FGD4: variants seen among roughly 807,000 people sequenced by gnomAD.
The protein encoded by FGD4 is FYVE, RhoGEF and PH domain-containing protein 4.
In FGD4, 42 loss-of-function variants were observed where a neutral mutation model predicts 102.0. The ratio of observed to expected loss-of-function variants is 0.41; its 90% CI spans 0.32 to 0.53. The LOEUF is 0.53. Among genes scored for constraint, FGD4 ranks in the 20% least tolerant of loss-of-function variants. The probability of loss-of-function intolerance (pLI) is 0.21; values close to 1 mark genes in which losing one functional copy is unlikely to be tolerated. For synonymous variants in FGD4, 380 were observed against 375.7 expected (o/e 1.01, Z -0.13); for missense variants, 902 against 1,078.2 (o/e 0.84, Z 2.29).
chr12:32,542,625 C>G (rs1323958127), intron 1 of FGD4, among the ~76,000 whole-genome samples: 1 of 152,146 alleles, frequency 6.6e-6, no homozygotes, highest in African/African-American at 2.4e-5. Context: ...ATTTATAAAC[C>G]AGACATTGTG....
At chr12:32,578,631 A>G (rs1490278389) in intron 3 of FGD4, among the ~76,000 whole-genome samples, 1 of 152,048 alleles carries the variant, frequency 6.6e-6, no homozygotes, top group Non-Finnish European at 1.5e-5. Flanking sequence ...GGAGTTCGAG[A>G]TCAGCCTGGG....
chr12:32,468,507 T>A (rs1943329915), intron 1 of FGD4, among the ~76,000 whole-genome samples: 1 of 152,058 alleles, frequency 6.6e-6, no homozygotes, highest in Non-Finnish European at 1.5e-5. Flanking sequence ...AAAAGTATGG[T>A]GTGTTCTAAG....
intron 6 of FGD4, among the ~76,000 whole-genome samples, chr12:32,601,734 G>A (rs772281853): frequency 1.3e-5 from 2 of 152,164 alleles, no homozygotes; most frequent in East Asian, 1.9e-4. Flanking sequence ...CTCACAGTAC[G>A]GTGAATGAGA....
rs1254305217 is a variant in FGD4 at position 32,506,891 on chromosome 12, GT to G, written c.167-57244del. The stretch of plus-strand genomic sequence containing the variant: ...GGTATGTGATGACAAAATGGGCTAT[GT>G]TAAAGAGGGAGTTGAGGGTGGCAAA... On this transcript the variant is annotated intron_variant, in intron 1 of 16. Transcript: ENST00000534526. The surrounding 1 kb of genome is among the most constrained non-coding windows in gnomAD (Gnocchi z 4.5). 6.6e-6 allele frequency among the ~76,000 whole-genome samples: 1 copy of G among 152,122 alleles called. No individual in the cohort carries two copies. The highest frequency in any genetic ancestry group is 2.4e-5 in the African/African-American group (1 of 41,408).
chr12:32,433,857 T>G (rs2136441104), intron 1 of FGD4, among the ~76,000 whole-genome samples: 1 of 151,738 alleles, frequency 6.6e-6, no homozygotes, highest in South Asian at 2.1e-4. Context: ...ATTTATTTAT[T>G]TATTATTATT....
intron 1 of FGD4, among the ~76,000 whole-genome samples, chr12:32,464,826 G>A (rs1159610085): frequency 6.6e-6 from 1 of 152,202 alleles, no homozygotes; most frequent in Non-Finnish European, 1.5e-5. Context: ...ACTATGTTAT[G>A]CTGGTCCCTT....
chr12:32,445,269 C>T (rs1411490527), intron 1 of FGD4, among the ~76,000 whole-genome samples: 1 of 152,168 alleles, frequency 6.6e-6, no homozygotes, highest in Non-Finnish European at 1.5e-5. Flanking sequence ...GAAAGGAATA[C>T]AATATTCATA....
intron 1 of FGD4, among the ~76,000 whole-genome samples, chr12:32,480,505 T>C (rs1943714575): frequency 6.6e-6 from 1 of 151,588 alleles, no homozygotes; most frequent in Admixed American, 6.6e-5. Context: ...CTTTCTTTGT[T>C]TTTTTCGTTT....
chr12:32,527,891 G>A (rs1436511226), intron 1 of FGD4, among the ~76,000 whole-genome samples: 2 of 152,142 alleles, frequency 1.3e-5, no homozygotes, highest in Non-Finnish European at 2.9e-5. Context: ...TTATTCTCTA[G>A]TATTATATAT....
At position 32,515,037 on chromosome 12, in the gene FGD4, C is replaced by T. The variant is rs561636227; in HGVS notation, c.167-49100C>T. Among the ~76,000 whole-genome samples, 39 of 152,226 alleles carry T rather than the reference C, an allele frequency of 2.6e-4. No homozygotes were observed. The South Asian group carries it at 8.1e-3, about 32-fold the overall frequency. ...CAGCCCCAGGAACTATTTTACTCAC[C>T]TTATATCCCCAGCTTTTGGCTCAGC... is the stretch of plus-strand genomic sequence containing the variant. On this transcript the variant is annotated intron_variant, in intron 1 of 16. Transcript: ENST00000534526.
chr12:32,475,143 A>G (rs983725710), intron 1 of FGD4, among the ~76,000 whole-genome samples: 1 of 152,128 alleles, frequency 6.6e-6, no homozygotes, highest in African/African-American at 2.4e-5. Context: ...TTTGGCCCTC[A>G]TCTCCATCCC....
chr12:32,472,785 T>C (rs1437531285), intron 1 of FGD4, among the ~76,000 whole-genome samples: 2 of 152,240 alleles, frequency 1.3e-5, no homozygotes, highest in Non-Finnish European at 2.9e-5. Flanking sequence ...AGAGTCTTTA[T>C]ATCTAGCTCA....
chr12:32,524,374 C>T (rs1464032534), intron 1 of FGD4, among the ~76,000 whole-genome samples: 9 of 121,190 alleles, frequency 7.4e-5, no homozygotes, highest in African/African-American at 2.6e-4. Flanking sequence ...CCAGCCTGGG[C>T]GACAGAGGGA....
Position 32,580,550 on chromosome 12 carries a change from T to G in FGD4, c.504-1410T>G, listed in dbSNP as rs368067505. On this transcript the variant is annotated intron_variant, in intron 3 of 16. Coordinates refer to ENST00000534526, the MANE Select transcript of FGD4 (RefSeq NM_001370298.3). The stretch of plus-strand genomic sequence containing the variant: ...TCTTTCAAAGAGTATAGCCCACAGT[T>G]TTGTGCTCCATTCCCCACCCCACTC... 3.9e-5 allele frequency among the ~76,000 whole-genome samples: 6 copies of G among 152,094 alleles called. No individual in the cohort carries two copies. The East Asian group carries it at 1.2e-3, about 30-fold the overall frequency.
intron 1 of FGD4, among the ~76,000 whole-genome samples, chr12:32,412,894 T>C (rs904811902): frequency 2.8e-5 from 4 of 141,812 alleles, no homozygotes; most frequent in Non-Finnish European, 6.0e-5. Flanking sequence ...ACCCCTTTTC[T>C]AGAAATTTTT....
rs189119935 is a variant in FGD4 at position 32,409,358 on chromosome 12, C to T, written c.166+9399C>T. 4.8e-3 allele frequency among the ~76,000 whole-genome samples: 714 copies of T among 149,386 alleles called. 4 individuals carry two copies. Among genetic ancestry groups the T allele is most frequent in the African/African-American group, 0.013 (525 of 40,558 alleles). On this transcript the variant is annotated intron_variant, in intron 1 of 16. Coordinates refer to ENST00000534526, the MANE Select transcript of FGD4 (RefSeq NM_001370298.3). ...AGCTGGAGTGCAATGGTGCGATCTC[C>T]GCTCCCTGCAACCTCCGCCTCCCAG...
intron 1 of FGD4, among the ~76,000 whole-genome samples, chr12:32,541,191 G>A (rs528752911): frequency 6.6e-6 from 1 of 152,044 alleles, no homozygotes; most frequent in Middle Eastern, 3.2e-3. Flanking sequence ...TGCTTTTTAA[G>A]TTTTGCATGA....
At chr12:32,636,933 C>T (rs1177197189) in intron 15 of FGD4, among the ~76,000 whole-genome samples, 2 of 147,576 alleles carry the variant, frequency 1.4e-5, no homozygotes, top group African/African-American at 2.5e-5. Context: ...TGCAGTGGTG[C>T]GATCTCAGCT....
At chr12:32,531,364 T>C (rs11052054) in intron 1 of FGD4, among the ~76,000 whole-genome samples, 9,587 of 152,206 alleles carry the variant, frequency 0.063, 993 homozygotes, top group African/African-American at 0.22. Context: ...ATTCTGAGTT[T>C]TGACAAATGC....
Sources: allele counts gnomAD v4.1 joint callset (sites outside exome capture counted in the v4.1 genomes callset), GRCh38; gene constraint gnomAD v4.1.1; non-coding constraint Gnocchi (gnomAD v3.1); transcripts MANE v1.5; gene names NCBI Gene and HGNC (gene_info 2026-07-23, HGNC 2026-07-21).